Variants in TRNT1 observed in about 807,000 individuals in gnomAD.
TRNT1 encodes the protein tRNA nucleotidyl transferase 1.
TRNT1 carries 44 observed loss-of-function variants against 45.6 expected under a neutral mutation model. The observed-to-expected ratio is 0.97, with a 90% CI of 0.76 to 1.24. The LOEUF is 1.24. Among genes scored for constraint, TRNT1 ranks in the 50% most tolerant of loss-of-function variants. The probability of loss-of-function intolerance (pLI) is 0.00; values close to 1 mark genes in which losing one functional copy is unlikely to be tolerated. For missense variants in TRNT1, 633 were observed against 504.4 expected (o/e 1.25, Z -2.44); for synonymous variants, 201 against 171.4 (o/e 1.17, Z -1.35).
intron 1 of TRNT1, among the ~76,000 whole-genome samples, chr3:3,128,700 C>G (rs929509077): frequency 2.0e-5 from 3 of 150,846 alleles, no homozygotes; most frequent in Non-Finnish European, 2.9e-5. Context: ...TTGTTACATT[C>G]TAGCCTTGTT....
intron 3 of TRNT1, among the ~76,000 whole-genome samples, chr3:3,139,543 C>A (rs1705518814): frequency 6.6e-6 from 1 of 152,092 alleles, no homozygotes; most frequent in African/African-American, 2.4e-5. Flanking sequence ...ACATATATTC[C>A]TCTTCCTCCA....
chr3:3,133,247 A>C (rs1158484954), intron 2 of TRNT1, among the ~76,000 whole-genome samples: 2 of 152,150 alleles, frequency 1.3e-5, no homozygotes, highest in African/African-American at 4.8e-5. Flanking sequence ...ATCATATGCT[A>C]GTGGCATAGA....
downstream of TRNT1, chr3:3,150,387 CCTTG>C (rs1257610146): frequency 1.3e-5 from 2 of 153,664 alleles, no homozygotes; most frequent in African/African-American, 4.8e-5. Flanking sequence ...ATATACATTG[CCTTG>C]CTTCTTTCCA....
chr3:3,149,076 T>TATTTC (rs899536484), downstream of TRNT1: 2 of 152,130 alleles, frequency 1.3e-5, no homozygotes, highest in African/African-American at 4.8e-5. Flanking sequence ...TTTCATAATT[T>TATTTC]ATTTCCTTTC....
chr3:3,134,756 T>G (rs1422281516), intron 2 of TRNT1, among the ~76,000 whole-genome samples: 1 of 152,184 alleles, frequency 6.6e-6, no homozygotes, highest in Admixed American at 6.5e-5. Flanking sequence ...AGTTTAATTA[T>G]GAGCCAGATT....
At chr3:3,152,082 A>G (rs1218088978), downstream of TRNT1, among the ~76,000 whole-genome samples, 1 of 152,156 alleles carries the variant, frequency 6.6e-6, no homozygotes, top group Non-Finnish European at 1.5e-5. Flanking sequence ...CTTTCATTCA[A>G]TGATAAAAGA....
At chr3:3,149,990 A>ATTAT (rs578009327), downstream of TRNT1, 9 of 152,168 alleles carry the variant, frequency 5.9e-5, no homozygotes, top group Non-Finnish European at 1.2e-4. Flanking sequence ...GATATTTTAC[A>ATTAT]TTATTTGAAC....
chr3:3,153,214 A>G, downstream of TRNT1: 1 of 518,874 alleles, frequency 1.9e-6, no homozygotes. Flanking sequence ...TACCATGCTC[A>G]TTACCTGTGA....
chr3:3,148,409 T>G lies in TRNT1; in HGVS notation c.*255T>G. Reference sequence around the variant, plus strand: ...CCTGAGAAAACATAGTTGGCTATTATCTATCTTAACCTGTTCAGGCTTTTA... The same window carrying G: ...CCTGAGAAAACATAGTTGGCTATTAGCTATCTTAACCTGTTCAGGCTTTTA... On this transcript the variant is annotated 3_prime_UTR_variant, in exon 8 of 8. Coordinates refer to ENST00000251607, the MANE Select transcript of TRNT1 (RefSeq NM_182916.3). 1 of 377,930 alleles carries G rather than the reference T, an allele frequency of 2.6e-6. No homozygotes were observed. 23.4% of individuals were successfully genotyped at this position (377,930 alleles called of 1,614,324 possible).
chr3:3,127,158 G>C (rs1704633511), intron 1 of TRNT1, 168 bp downstream of exon 1: 1 of 152,322 alleles, frequency 6.6e-6, no homozygotes, highest in Non-Finnish European at 1.5e-5. Flanking sequence ...CCGACGCGGA[G>C]GTCGTGTCCC....
intron 2 of TRNT1, among the ~76,000 whole-genome samples, chr3:3,130,848 G>T (rs1031773975): frequency 2.0e-5 from 3 of 152,062 alleles, no homozygotes; most frequent in African/African-American, 4.8e-5. Flanking sequence ...TTGAGTGGCT[G>T]AGGTGGGTGG....
chr3:3,152,688 G>C (rs1373633342), downstream of TRNT1: 1 of 1,389,658 alleles, frequency 7.2e-7, no homozygotes, highest in African/African-American at 1.4e-5. Flanking sequence ...TGAGGTATGA[G>C]CTATACAGTT....
At chr3:3,150,986 G>A (rs760208270), downstream of TRNT1, 13 of 1,613,940 alleles carry the variant, frequency 8.1e-6, no homozygotes, top group Admixed American at 3.3e-5. Context: ...TTTGGTGGCC[G>A]TAAACTTCCA....
chr3:3,132,191 CA>C (rs1705043871), intron 2 of TRNT1, among the ~76,000 whole-genome samples: 1 of 6,016 alleles, frequency 1.7e-4, no homozygotes, highest in Non-Finnish European at 1.5e-3. Context: ...GGTATATACC[CA>C]AAGGACTATA....
At chr3:3,149,270 A>C (rs1396631916), downstream of TRNT1, 1 of 152,104 alleles carries the variant, frequency 6.6e-6, no homozygotes. Context: ...AATACTTTGA[A>C]ATACTTACTT....
chr3:3,152,990 A>G (rs1353236341), downstream of TRNT1: 1 of 296,352 alleles, frequency 3.4e-6, no homozygotes. Flanking sequence ...TTGATTTACA[A>G]CTGATGGATT....
At position 3,129,602 on chromosome 3, in the gene TRNT1, T is replaced by C. The variant is rs1266341867; in HGVS notation, c.148+414T>C. On this transcript the variant is annotated intron_variant, in intron 2 of 7. Transcript: ENST00000251607. ...GTCTCAAAAAAAGAGAAAGGAATAT[T>C]AAAAGAGAAAGGCTTACATATGGCT... The C allele has an allele frequency of 8.0e-6, 4 of 499,214 alleles. No homozygotes were observed. The Admixed American group carries it at 1.4e-4, about 17-fold the overall frequency. The allele number at this position is 499,214 out of a possible 1,614,324, so 30.9% of individuals were successfully genotyped here.
intron 3 of TRNT1, among the ~76,000 whole-genome samples, chr3:3,139,278 T>TA (rs1705499426): frequency 6.6e-6 from 1 of 152,248 alleles, no homozygotes; most frequent in Non-Finnish European, 1.5e-5. Flanking sequence ...TTTCAAACCT[T>TA]ACCTTATTCT....
In TRNT1 at chr3:3,147,676, G is replaced by A. The variant is rs1185297480; in HGVS notation, c.1029G>A (p.Leu343=). Residue 343 remains leucine (L), a synonymous_variant, in exon 7 of 8, where the codon TTG becomes TTA. Transcript: ENST00000251607. ...AAGCAACAGATAGTTCAGACCCATT[G>A]AAACCCTATCAAGACTTCATTATAG... The part of the protein sequence containing the change: ...LIKATDSSDP[L]KPYQDFIIDS... 2 of 1,612,974 alleles carry A rather than the reference G, an allele frequency of 1.2e-6. No individual in the cohort carries two copies. Among genetic ancestry groups the A allele is most frequent in the African/African-American group, 2.7e-5 (2 of 74,800 alleles).
Sources: allele counts gnomAD v4.1 joint callset (sites outside exome capture counted in the v4.1 genomes callset), GRCh38; gene constraint gnomAD v4.1.1; transcripts MANE v1.5; gene names NCBI Gene and HGNC (gene_info 2026-07-23, HGNC 2026-07-21).